The following ATXN10 variants were observed in gnomAD, a reference collection of about 807,000 sequenced individuals.
The protein encoded by ATXN10 is ataxin-10.
A neutral mutation model predicts 52.9 loss-of-function variants in ATXN10; 28 were observed. That is an observed-to-expected ratio of 0.53 (90% CI 0.39 to 0.73). The LOEUF is 0.73. Ranked by LOEUF, ATXN10 falls within the 30% of genes least tolerant of loss-of-function variation. The pLI is 0.00. For synonymous variants in ATXN10, 226 were observed against 221.5 expected, an observed-to-expected ratio of 1.02 and a Z score of -0.18; for missense variants, 565 against 577.0, an observed-to-expected ratio of 0.98 and a Z score of 0.21.
In ATXN10 at chr22:45,820,485, G is replaced by T. The variant is rs1316006178; in HGVS notation, c.1237+13463G>T. 6.6e-6 allele frequency among the ~76,000 whole-genome samples: 1 copy of T among 152,232 alleles called. No homozygotes were observed. Among genetic ancestry groups the T allele is most frequent in the African/African-American group, 2.4e-5 (1 of 41,460 alleles). On this transcript the variant is annotated intron_variant, in intron 10 of 11. Coordinates refer to ENST00000252934, the MANE Select transcript of ATXN10 (RefSeq NM_013236.4). This position sits in a 1 kb window ranked among gnomAD's most constrained non-coding sequence, Gnocchi z 4.9. ...AGGGAATTCAGAGGTCTGCTTTTCTGCCTGGAGTTGACTGCTTCTTATGGA... is the reference window on the plus strand; with the variant it reads ...AGGGAATTCAGAGGTCTGCTTTTCTTCCTGGAGTTGACTGCTTCTTATGGA...
chr22:45,785,075 C>G (rs183947099), intron 9 of ATXN10, among the ~76,000 whole-genome samples: 1 of 152,156 alleles, frequency 6.6e-6, no homozygotes, highest in Non-Finnish European at 1.5e-5. Context: ...TGTAGCTGTG[C>G]GTGTTAGCAC....
rs2146827650 is a variant in ATXN10 at position 45,759,762 on chromosome 22, C to T, written c.1173+19224C>T. Among the ~76,000 whole-genome samples the T allele has an allele frequency of 6.6e-6, 1 of 152,286 alleles. No homozygotes were observed. Among genetic ancestry groups the T allele is most frequent in the Non-Finnish European group, 1.5e-5 (1 of 68,022 alleles). ...GATGGGGTCACACCTCAGCTGCCGG[C>T]ATGAGCTAAGGGACCATATAACAGT... On this transcript the variant is annotated intron_variant, in intron 9 of 11. Transcript: ENST00000252934. The surrounding 1 kb of genome is among the most constrained non-coding windows in gnomAD (Gnocchi z 5.4).
Position 45,729,595 on chromosome 22 carries a change from G to A in ATXN10, c.894+5G>A. 6.2e-7 allele frequency: 1 copy of A among 1,614,014 alleles called. No individual in the cohort carries two copies. The highest frequency in any genetic ancestry group is 1.3e-5 in the African/African-American group (1 of 75,036). On this transcript the variant is annotated splice_donor_5th_base_variant and intron_variant, in intron 7 of 11. Transcript: ENST00000252934. ...GAGGAGCCTCCTGATGATGAGGTAA[G>A]GGAGGCAGATTTCCCAATCTCGGGT...
At chr22:45,803,578 C>A (rs150473424) in intron 9 of ATXN10, among the ~76,000 whole-genome samples, 93 of 152,194 alleles carry the variant, frequency 6.1e-4, no homozygotes, top group Non-Finnish European at 1.0e-3. Context: ...CTGGTGAGGA[C>A]GAGCTGGATT....
At position 45,784,488 on chromosome 22, in the gene ATXN10, C is replaced by T. The variant is rs1360771593; in HGVS notation, c.1174-22471C>T. On this transcript the variant is annotated intron_variant, in intron 9 of 11. Coordinates refer to ENST00000252934, the MANE Select transcript of ATXN10 (RefSeq NM_013236.4). The surrounding 1 kb of genome is among the most constrained non-coding windows in gnomAD (Gnocchi z 4.2). ...AGTCCCCTAATTGTAATCTGCACCCCGAGTGTCACATTGCACAGTCTGCCT... is the reference window on the plus strand; with the variant it reads ...AGTCCCCTAATTGTAATCTGCACCCTGAGTGTCACATTGCACAGTCTGCCT... Among the ~76,000 whole-genome samples, 2 of 152,172 alleles carry T rather than the reference C, an allele frequency of 1.3e-5. No homozygotes were observed. Among genetic ancestry groups the T allele is most frequent in the Non-Finnish European group, 2.9e-5 (2 of 68,038 alleles).
rs141089419 is a variant in ATXN10 at position 45,794,118 on chromosome 22, A to G, written c.1174-12841A>G. ...GTAACTTCTGGGTGTTGCCATGGCA[A>G]TGGTAAACTGACATGACATATTGGT... On this transcript the variant is annotated intron_variant, in intron 9 of 11. Coordinates refer to ENST00000252934, the MANE Select transcript of ATXN10 (RefSeq NM_013236.4). 6.0e-3 allele frequency among the ~76,000 whole-genome samples: 907 copies of G among 152,332 alleles called. 8 individuals carry two copies. The highest frequency in any genetic ancestry group is 0.021 in the African/African-American group (872 of 41,564).
In ATXN10 at chr22:45,835,302, G is replaced by A; in HGVS notation, c.1238-7689G>A. Among the ~76,000 whole-genome samples, 1 of 152,164 alleles carries A rather than the reference G, an allele frequency of 6.6e-6. No individual in the cohort carries two copies. ...CGCTTGAGCTTTCACATCTGGGACT[G>A]GTGAGGGATGGAGAGTACACGCCCA... On this transcript the variant is annotated intron_variant, in intron 10 of 11. Coordinates refer to ENST00000252934, the MANE Select transcript of ATXN10 (RefSeq NM_013236.4). The surrounding 1 kb of genome is among the most constrained non-coding windows in gnomAD (Gnocchi z 5.0).
chr22:45,809,046 CACAT>C (rs1928195577), intron 10 of ATXN10, among the ~76,000 whole-genome samples: 1 of 152,168 alleles, frequency 6.6e-6, no homozygotes, highest in Non-Finnish European at 1.5e-5. Flanking sequence ...AGATATGAGA[CACAT>C]ACTGAAATAT....
rs777618972 is a variant in ATXN10, at chr22:45,769,982, C to T, written c.1173+29444C>T. Among the ~76,000 whole-genome samples the T allele has an allele frequency of 7.9e-5, 12 of 152,200 alleles. No homozygotes were observed. The highest frequency in any genetic ancestry group is 1.8e-4 in the Non-Finnish European group (12 of 68,044). On this transcript the variant is annotated intron_variant, in intron 9 of 11. Transcript: ENST00000252934. This position sits in a 1 kb window ranked among gnomAD's most constrained non-coding sequence, Gnocchi z 4.2. ...AGTTCTAAATAAAGGTTCTCAGATG[C>T]AGTTTCACAGAGCAGGCTGTGGCCC...
intron 1 of ATXN10, chr22:45,672,770 A>C (rs1922521140): frequency 6.6e-6 from 1 of 152,466 alleles, no homozygotes; most frequent in Non-Finnish European, 1.5e-5. Flanking sequence ...GAGGGGCAAG[A>C]TAGCCAGGCA....
chr22:45,700,817 G>A (rs908829706), intron 4 of ATXN10, among the ~76,000 whole-genome samples: 1 of 152,192 alleles, frequency 6.6e-6, no homozygotes, highest in Non-Finnish European at 1.5e-5. Context: ...GATATGCTGA[G>A]CACAATGCTG....
At chr22:45,702,933 A>G in intron 5 of ATXN10, 86 bp downstream of exon 5, 6 of 1,503,246 alleles carry the variant, frequency 4.0e-6, no homozygotes, top group Non-Finnish European at 4.6e-6. Context: ...AAATTTGGAC[A>G]TTGTGATAAT....
rs1925117852 is a variant in ATXN10 at position 45,732,289 on chromosome 22, A to G, written c.894+2699A>G. ...GGCAACATAAGGAGACTCCATCTGT[A>G]CAAAAAAAAAACACAAAGAATTAGC... On this transcript the variant is annotated intron_variant, in intron 7 of 11. Coordinates refer to ENST00000252934, the MANE Select transcript of ATXN10 (RefSeq NM_013236.4). The surrounding 1 kb of genome is among the most constrained non-coding windows in gnomAD (Gnocchi z 4.5). Among the ~76,000 whole-genome samples the G allele has an allele frequency of 6.8e-6, 1 of 146,508 alleles. No individual in the cohort carries two copies. The highest frequency in any genetic ancestry group is 6.6e-5 in the Admixed American group (1 of 15,168).
chr22:45,672,863 G>T (rs1006338760), intron 1 of ATXN10: 1 of 152,220 alleles, frequency 6.6e-6, no homozygotes, highest in Non-Finnish European at 1.5e-5. Flanking sequence ...AGTTTCTCCA[G>T]GCCTTAGAAT....
chr22:45,837,080 A>G lies in ATXN10; in HGVS notation c.1238-5911A>G, dbSNP rs540586216. On this transcript the variant is annotated intron_variant, in intron 10 of 11. Transcript: ENST00000252934. This position sits in a 1 kb window ranked among gnomAD's most constrained non-coding sequence, Gnocchi z 5.8. ...TGTTATCTAAAAAGAGTTTTAAAAT[A>G]TATGTCCTGGATGCGAAAACAATGC... Among the ~76,000 whole-genome samples the G allele has an allele frequency of 6.6e-6, 1 of 152,310 alleles. No individual in the cohort carries two copies. The highest frequency in any genetic ancestry group is 2.4e-5 in the African/African-American group (1 of 41,548).
chr22:45,821,628 T>C (rs1437901957), intron 10 of ATXN10, among the ~76,000 whole-genome samples: 1 of 152,196 alleles, frequency 6.6e-6, no homozygotes, highest in Non-Finnish European at 1.5e-5. Context: ...TAGTACCTCA[T>C]GGTGTCTTAT....
rs577447868 is a variant in ATXN10 at position 45,681,904 on chromosome 22, T to A, written c.117-7808T>A. Reference sequence around the variant, plus strand: ...ACTAGAAGATAATTTCCAGGAACTCTCATCACCCTCTCTGCCCACCTACTT... The same window carrying A: ...ACTAGAAGATAATTTCCAGGAACTCACATCACCCTCTCTGCCCACCTACTT... On this transcript the variant is annotated intron_variant, in intron 1 of 11. Coordinates refer to ENST00000252934, the MANE Select transcript of ATXN10 (RefSeq NM_013236.4). The surrounding 1 kb of genome is among the most constrained non-coding windows in gnomAD (Gnocchi z 4.2). Among the ~76,000 whole-genome samples the A allele has an allele frequency of 6.6e-6, 1 of 152,298 alleles. No homozygotes were observed. The highest frequency in any genetic ancestry group is 1.9e-4 in the East Asian group (1 of 5,178).
chr22:45,740,354 CTCTTTTGGTTATAGA>C lies in ATXN10; in HGVS notation c.1004-7_1011del. ...ACTTTTCTGTGGAAAATGAAGTTTA[CTCTTTTGGTTATAGA>C]TCTTTTGCGGGTGATTCATGTAGCT... is the stretch of plus-strand genomic sequence containing the variant. On this transcript the variant is annotated splice_acceptor_variant and splice_polypyrimidine_tract_variant and coding_sequence_variant and intron_variant, in exon 9 of 12. Coordinates refer to ENST00000252934, the MANE Select transcript of ATXN10 (RefSeq NM_013236.4). LOFTEE classifies it high-confidence loss of function. 6.2e-7 allele frequency: 1 copy of C among 1,613,642 alleles called. No individual in the cohort carries two copies. Among genetic ancestry groups the C allele is most frequent in the Non-Finnish European group, 8.5e-7 (1 of 1,179,698 alleles).
intron 2 of ATXN10, 77 bp from the exon 3 acceptor site, chr22:45,692,919 A>G: frequency 8.4e-7 from 1 of 1,184,530 alleles, no homozygotes; most frequent in Non-Finnish European, 1.3e-6. Flanking sequence ...CAGCTCTCCC[A>G]TTGTAGTGCA....
Sources: gnomAD v4.1 joint callset for allele counts (sites outside exome capture counted in the v4.1 genomes callset) on GRCh38, gnomAD v4.1.1 for gene constraint, Gnocchi (gnomAD v3.1) non-coding constraint, MANE v1.5 for transcripts, NCBI Gene and HGNC (gene_info 2026-07-23, HGNC 2026-07-21) for gene names.